EIF4E3: variants seen among roughly 807,000 people sequenced by gnomAD.
EIF4E3 encodes the protein eukaryotic translation initiation factor 4E type 3.
In EIF4E3, 26 loss-of-function variants were observed where a neutral mutation model predicts 31.7. That is an observed-to-expected ratio of 0.82 (90% CI 0.60 to 1.14). EIF4E3 has a LOEUF of 1.14. Among genes scored for constraint, EIF4E3 ranks in the 50% most tolerant of loss-of-function variants. The pLI is 0.00. For missense variants in EIF4E3, 304 were observed against 270.9 expected (o/e 1.12, Z -0.86); for synonymous variants, 128 against 107.7 (o/e 1.19, Z -1.17).
chr3:71,723,705 C>G (rs1440132659), intron 1 of EIF4E3, among the ~76,000 whole-genome samples: 2 of 152,174 alleles, frequency 1.3e-5, no homozygotes, highest in Non-Finnish European at 2.9e-5. Context: ...ACCTTGAAAA[C>G]AGATACCAGG....
At chr3:71,696,366 T>C (rs2049135700) in intron 4 of EIF4E3, 94 bp downstream of exon 4, 1 of 1,394,456 alleles carries the variant, frequency 7.2e-7, no homozygotes, top group Middle Eastern at 1.8e-4. Flanking sequence ...GACTGCCAGG[T>C]AAATAGGCTA....
the EIF4E3 span, among the ~76,000 whole-genome samples, chr3:71,670,088 G>A: frequency 6.6e-5 from 10 of 152,160 alleles, no homozygotes; most frequent in Non-Finnish European, 1.2e-4. Flanking sequence ...GTCTATCAGC[G>A]GGACTAGTGA....
chr3:71,701,763 T>A (rs891565298), intron 2 of EIF4E3, among the ~76,000 whole-genome samples: 4 of 152,170 alleles, frequency 2.6e-5, no homozygotes, highest in African/African-American at 9.7e-5. Flanking sequence ...ACTGCAAAGG[T>A]GGCAATGATG....
chr3:71,721,562 G>A (rs2049549813), intron 1 of EIF4E3, among the ~76,000 whole-genome samples: 1 of 152,110 alleles, frequency 6.6e-6, no homozygotes, highest in African/African-American at 2.4e-5. Context: ...GATCATGGGG[G>A]TGGCTTCCCC....
At chr3:71,707,516 G>A (rs767012181) in intron 2 of EIF4E3, among the ~76,000 whole-genome samples, 4 of 152,140 alleles carry the variant, frequency 2.6e-5, no homozygotes, top group Non-Finnish European at 5.9e-5. Flanking sequence ...TACTACCTCA[G>A]TTTTACAGAT....
Position 71,680,392 on chromosome 3 carries a change from A to AG in EIF4E3, c.*4289dup, listed in dbSNP as rs746428653. On this transcript the variant is annotated 3_prime_UTR_variant, in exon 7 of 7. Coordinates refer to ENST00000425534, the MANE Select transcript of EIF4E3 (RefSeq NM_001134651.2). ...ATCTGAGTGATTTTGCTGCATGCTA[A>AG]GGGGTGAGAAGCACTGGTAGATGAT... The AG allele has an allele frequency of 6.6e-6, 1 of 152,186 alleles. No individual in the cohort carries two copies. The highest frequency in any genetic ancestry group is 2.4e-5 in the African/African-American group (1 of 41,444). 9.4% of individuals were successfully genotyped at this position (152,186 alleles called of 1,614,324 possible).
intron 5 of EIF4E3, among the ~76,000 whole-genome samples, chr3:71,690,878 T>C (rs2049054554): frequency 6.6e-6 from 1 of 152,218 alleles, no homozygotes; most frequent in Non-Finnish European, 1.5e-5. Flanking sequence ...TCTGCTATTA[T>C]AGGATCGTCC....
chr3:71,687,882 C>T (rs1486455957), intron 6 of EIF4E3, among the ~76,000 whole-genome samples: 1 of 152,228 alleles, frequency 6.6e-6, no homozygotes, highest in African/African-American at 2.4e-5. Context: ...TTGGCCATTT[C>T]TAACTTAGCT....
intron 1 of EIF4E3, among the ~76,000 whole-genome samples, chr3:71,737,814 T>A (rs78574702): frequency 0.14 from 20,629 of 151,956 alleles, 1,999 homozygotes; most frequent in East Asian, 0.33. Context: ...ACAACAGAGA[T>A]TTTTTTCATA....
At chr3:71,736,221 G>A (rs986191490) in intron 1 of EIF4E3, among the ~76,000 whole-genome samples, 8 of 152,178 alleles carry the variant, frequency 5.3e-5, no homozygotes, top group African/African-American at 1.9e-4. Flanking sequence ...AAATGGTACA[G>A]CCACTTTGAA....
At chr3:71,710,977 G>T (rs1019199109) in intron 1 of EIF4E3, among the ~76,000 whole-genome samples, 4 of 152,162 alleles carry the variant, frequency 2.6e-5, no homozygotes, top group Non-Finnish European at 5.9e-5. Context: ...AGTCAACTCT[G>T]GTTTCATATG....
At position 71,705,079 on chromosome 3, in the gene EIF4E3, T is replaced by C. The variant is rs72949485; in HGVS notation, c.249+5333A>G. 9.8e-3 allele frequency among the ~76,000 whole-genome samples: 1,485 copies of C among 152,298 alleles called. 24 individuals are homozygous for C. The highest frequency in any genetic ancestry group is 0.034 in the African/African-American group (1,422 of 41,544). On this transcript the variant is annotated intron_variant, in intron 2 of 6. Transcript: ENST00000425534. ...GGTCCTTCTCTTTCTCTTTTCAGTG[T>C]TGGCTTTCCTCCTCTCTCCCCTCAG...
downstream of EIF4E3, among the ~76,000 whole-genome samples, chr3:71,671,303 G>A (rs975134442): frequency 2.0e-5 from 3 of 152,044 alleles, no homozygotes; most frequent in Admixed American, 2.0e-4. Context: ...CATCCCTACC[G>A]GGTGAGCAGG....
intron 1 of EIF4E3, among the ~76,000 whole-genome samples, chr3:71,738,904 AAACTT>A (rs2049791188): frequency 6.6e-6 from 1 of 150,578 alleles, no homozygotes; most frequent in South Asian, 2.1e-4. Context: ...CCATAAAACA[AAACTT>A]AACAAATGTA....
intron 1 of EIF4E3, among the ~76,000 whole-genome samples, chr3:71,750,511 G>A (rs1026037587): frequency 2.6e-5 from 4 of 152,180 alleles, no homozygotes; most frequent in South Asian, 2.1e-4. Context: ...TTCTGTGCCC[G>A]GGAGCATCAG....
At chr3:71,667,403 G>C in the EIF4E3 span, among the ~76,000 whole-genome samples, 1 of 152,160 alleles carries the variant, frequency 6.6e-6, no homozygotes, top group Non-Finnish European at 1.5e-5. Context: ...TCTGGCCAGG[G>C]CAATTAGGCA....
chr3:71,722,245 T>C (rs924356526), intron 1 of EIF4E3, among the ~76,000 whole-genome samples: 1 of 152,160 alleles, frequency 6.6e-6, no homozygotes, highest in Non-Finnish European at 1.5e-5. Flanking sequence ...GTTCAGTATA[T>C]GTTGAGTCTG....
chr3:71,660,331 GA>G, the EIF4E3 span, among the ~76,000 whole-genome samples: 34 of 147,444 alleles, frequency 2.3e-4, no homozygotes, highest in African/African-American at 6.2e-4. Flanking sequence ...AAGTGAAGCT[GA>G]AAAAAAAAAG....
chr3:71,715,728 G>C (rs1168484862), intron 1 of EIF4E3, among the ~76,000 whole-genome samples: 1 of 152,136 alleles, frequency 6.6e-6, no homozygotes, highest in Admixed American at 6.5e-5. Context: ...GTTCCACCAG[G>C]AGTTTCCTCT....
Sources: allele counts gnomAD v4.1 joint callset (sites outside exome capture counted in the v4.1 genomes callset), GRCh38; gene constraint gnomAD v4.1.1; transcripts MANE v1.5; gene names NCBI Gene and HGNC (gene_info 2026-07-23, HGNC 2026-07-21).